OLA1: variants seen among roughly 807,000 people sequenced by gnomAD.
OLA1 encodes Obg like ATPase 1.
OLA1 carries 14 observed loss-of-function variants against 48.4 expected under a neutral mutation model. The ratio of observed to expected loss-of-function variants is 0.29; its 90% CI spans 0.19 to 0.45. The LOEUF is 0.45. OLA1 is among the 20% of genes least tolerant of loss of function. OLA1 has a pLI of 1.00. For missense variants in OLA1, 325 were observed against 467.1 expected (o/e 0.70, Z 2.80); for synonymous variants, 127 against 150.4 (o/e 0.84, Z 1.14).
rs181438208 is a variant in OLA1, at chr2:174,133,408, T to C, written c.549+8417A>G. 1.8e-3 allele frequency among the ~76,000 whole-genome samples: 281 copies of C among 152,332 alleles called. 1 individual carries two copies. Among genetic ancestry groups the C allele is most frequent in the African/African-American group, 6.4e-3 (266 of 41,582 alleles). On this transcript the variant is annotated intron_variant, in intron 5 of 10. Transcript: ENST00000284719. ...CACAGACTCACTCTCTCACCCAGGC[T>C]GGAGTGCAGTGGCGCAACCTCGACT...
At chr2:174,148,462 G>A (rs985916883) in intron 4 of OLA1, among the ~76,000 whole-genome samples, 7 of 152,026 alleles carry the variant, frequency 4.6e-5, no homozygotes, top group South Asian at 2.1e-4. Flanking sequence ...CACATAATGC[G>A]TAACTAAAAT....
At chr2:174,210,732 C>G (rs1210359534) in intron 4 of OLA1, among the ~76,000 whole-genome samples, 1 of 152,138 alleles carries the variant, frequency 6.6e-6, no homozygotes. Flanking sequence ...GCATAACTAG[C>G]ATAGGTTTTC....
chr2:174,156,072 AT>A lies in OLA1; in HGVS notation c.374-14073del, dbSNP rs532867862. ...TCCTGAAGATTTAGAGTGATAATGT[AT>A]GTAAACAGCTTAGGACAGGACCTCA... is the stretch of plus-strand genomic sequence containing the variant. On this transcript the variant is annotated intron_variant, in intron 4 of 10. Transcript: ENST00000284719. Among the ~76,000 whole-genome samples, 21 of 152,340 alleles carry A rather than the reference AT, an allele frequency of 1.4e-4. No homozygotes were observed. In the South Asian group the frequency reaches 2.7e-3, roughly 20 times the overall value.
chr2:174,147,949 G>A lies in OLA1; in HGVS notation c.374-5949C>T, dbSNP rs182015494. 2.3e-3 allele frequency among the ~76,000 whole-genome samples: 353 copies of A among 152,284 alleles called. 2 individuals are homozygous for A. Among genetic ancestry groups the A allele is most frequent in the Non-Finnish European group, 1.6e-3 (109 of 68,016 alleles). ...AGCAATTCTAGTGCCTCAGCCTCCT[G>A]AATAGCTGGGATTTCAGGTGCGTGC... is the stretch of plus-strand genomic sequence containing the variant. On this transcript the variant is annotated intron_variant, in intron 4 of 10. Transcript: ENST00000284719.
intron 4 of OLA1, among the ~76,000 whole-genome samples, chr2:174,177,793 TAA>T (rs762039132): frequency 3.3e-5 from 5 of 152,096 alleles, no homozygotes; most frequent in Non-Finnish European, 5.9e-5. Context: ...CTGGATTTCT[TAA>T]AGTTTTTCCA....
intron 5 of OLA1, among the ~76,000 whole-genome samples, chr2:174,137,581 T>C (rs1686340574): frequency 6.6e-6 from 1 of 152,236 alleles, no homozygotes; most frequent in African/African-American, 2.4e-5. Flanking sequence ...ATCTGTTGTT[T>C]TCATTGTCTT....
At chr2:174,094,683 ATCT>A (rs1407058877) in intron 7 of OLA1, among the ~76,000 whole-genome samples, 1 of 152,226 alleles carries the variant, frequency 6.6e-6, no homozygotes, top group African/African-American at 2.4e-5. Flanking sequence ...TGCATTTACT[ATCT>A]TAACACTTGT....
intron 3 of OLA1, among the ~76,000 whole-genome samples, chr2:174,228,364 G>T (rs1172247772): frequency 6.6e-6 from 1 of 152,010 alleles, no homozygotes. Flanking sequence ...GCTTAATCCA[G>T]AAAGATATTA....
At chr2:174,185,945 A>G (rs1687648143) in intron 4 of OLA1, among the ~76,000 whole-genome samples, 1 of 152,136 alleles carries the variant, frequency 6.6e-6, no homozygotes, top group East Asian at 1.9e-4. Flanking sequence ...AAATAAATAA[A>G]GTATTTTTCA....
rs182327346 is a variant in OLA1 at position 174,211,939 on chromosome 2, T to C, written c.373+11094A>G. On this transcript the variant is annotated intron_variant, in intron 4 of 10. Transcript: ENST00000284719. ...ATGTGGCTATCAGAAAAATTTTAAA[T>C]TACATATGTAGCTCACATTTATGGC... Among the ~76,000 whole-genome samples, 491 of 152,346 alleles carry C rather than the reference T, an allele frequency of 3.2e-3. 8 individuals are homozygous for C. Among genetic ancestry groups the C allele is most frequent in the Non-Finnish European group, 7.3e-4 (50 of 68,032 alleles).
intron 4 of OLA1, among the ~76,000 whole-genome samples, chr2:174,187,658 T>C (rs1258286104): frequency 2.0e-5 from 3 of 152,362 alleles, no homozygotes; most frequent in South Asian, 2.1e-4. Context: ...ATTTATGCCA[T>C]GTACTTTCCT....
chr2:174,240,518 T>C (rs1231095585), intron 2 of OLA1: 1 of 151,282 alleles, frequency 6.6e-6, no homozygotes, highest in Non-Finnish European at 1.5e-5. Context: ...TGGCAAGAGA[T>C]CATTGTAATA....
At chr2:174,162,897 T>A (rs1179880642) in intron 4 of OLA1, among the ~76,000 whole-genome samples, 1 of 151,912 alleles carries the variant, frequency 6.6e-6, no homozygotes, top group African/African-American at 2.4e-5. Flanking sequence ...ATACAAAAAT[T>A]AACTGGGTGT....
At chr2:174,098,801 G>C (rs1392565276) in intron 7 of OLA1, among the ~76,000 whole-genome samples, 1 of 152,134 alleles carries the variant, frequency 6.6e-6, no homozygotes, top group East Asian at 1.9e-4. Context: ...ACATGTATTA[G>C]CTATTATTAT....
intron 4 of OLA1, among the ~76,000 whole-genome samples, chr2:174,200,135 T>A (rs1687959743): frequency 6.6e-6 from 1 of 152,208 alleles, no homozygotes; most frequent in Non-Finnish European, 1.5e-5. Flanking sequence ...TAAGTCATTT[T>A]AAAAATCTTA....
chr2:174,075,834 G>C (rs1397785445), intron 10 of OLA1, among the ~76,000 whole-genome samples: 1 of 152,088 alleles, frequency 6.6e-6, no homozygotes, highest in East Asian at 1.9e-4. Flanking sequence ...GTACATTTCT[G>C]ATGTGTCTGC....
At chr2:174,115,898 C>A (rs1213403798) in intron 7 of OLA1, among the ~76,000 whole-genome samples, 1 of 152,194 alleles carries the variant, frequency 6.6e-6, no homozygotes, top group East Asian at 1.9e-4. Context: ...ATGTCTATTA[C>A]TCCATGAGAC....
Position 174,228,248 on chromosome 2 carries a change from A to T in OLA1, c.245+1060T>A, listed in dbSNP as rs191945953. Among the ~76,000 whole-genome samples the T allele has an allele frequency of 2.7e-3, 414 of 152,310 alleles. 3 individuals carry two copies. Among genetic ancestry groups the T allele is most frequent in the Non-Finnish European group, 4.2e-3 (288 of 68,032 alleles). On this transcript the variant is annotated intron_variant, in intron 3 of 10. Coordinates refer to ENST00000284719, the MANE Select transcript of OLA1 (RefSeq NM_013341.5). The stretch of plus-strand genomic sequence containing the variant: ...CATTAAAAATAGTAAAATATTAAAA[A>T]CAAATTATATTATCAATAATAAGCA...
chr2:174,159,843 T>A (rs189926058), intron 4 of OLA1, among the ~76,000 whole-genome samples: 20 of 152,194 alleles, frequency 1.3e-4, no homozygotes, highest in African/African-American at 3.6e-4. Flanking sequence ...ATTTATGTTA[T>A]GTATATATTT....
Sources: allele counts gnomAD v4.1 joint callset (sites outside exome capture counted in the v4.1 genomes callset), GRCh38; gene constraint gnomAD v4.1.1; transcripts MANE v1.5; gene names NCBI Gene and HGNC (gene_info 2026-07-23, HGNC 2026-07-21).